Variants in DNAI1 observed in about 807,000 individuals in gnomAD.
DNAI1 encodes the protein dynein axonemal intermediate chain 1, also known as dynein, axonemal, intermediate polypeptide 1.
DNAI1 carries 67 observed loss-of-function variants against 92.0 expected under a neutral mutation model. The ratio of observed to expected loss-of-function variants is 0.73; its 90% CI spans 0.60 to 0.89. The LOEUF is 0.89. DNAI1 is among the 40% of genes least tolerant of loss of function. The pLI, the probability that DNAI1 is intolerant of heterozygous loss-of-function variation, is 0.00. For synonymous variants in DNAI1, 323 were observed against 319.6 expected (o/e 1.01, Z -0.11); for missense variants, 839 against 866.6 (o/e 0.97, Z 0.40).
At chr9:34,519,864 C>T (rs568186552) in intron 19 of DNAI1, among the ~76,000 whole-genome samples, 1 of 152,308 alleles carries the variant, frequency 6.6e-6, no homozygotes, top group East Asian at 1.9e-4. Context: ...ACAGCCCTCA[C>T]CCCCCTGCCT....
chr9:34,493,899 G>T (rs1346987469), intron 9 of DNAI1, among the ~76,000 whole-genome samples: 1 of 152,116 alleles, frequency 6.6e-6, no homozygotes, highest in South Asian at 2.1e-4. Flanking sequence ...CATGGTTGAG[G>T]GGGGCTCACT....
chr9:34,500,543 C>T (rs771556569), intron 10 of DNAI1, among the ~76,000 whole-genome samples, 179 bp from the exon 11 acceptor site: 1 of 152,172 alleles, frequency 6.6e-6, no homozygotes, highest in African/African-American at 2.4e-5. Flanking sequence ...AAGCTCTTTG[C>T]ATATATTAAC....
At chr9:34,461,530 C>A (rs2132037288) in intron 1 of DNAI1, among the ~76,000 whole-genome samples, 1 of 152,284 alleles carries the variant, frequency 6.6e-6, no homozygotes, top group Non-Finnish European at 1.5e-5. Context: ...TCTTTTCTAG[C>A]AACTTGCAGT....
At position 34,491,524 on chromosome 9, in the gene DNAI1, C is replaced by A. The variant is rs1245998306; in HGVS notation, c.651C>A (p.Pro217=). ...GAGAATGCCAGACGGAGCCTCCTCCCAGGACAAACTTTTCAGCCACAGCCA... is the reference window on the plus strand; with the variant it reads ...GAGAATGCCAGACGGAGCCTCCTCCAAGGACAAACTTTTCAGCCACAGCCA... ...RDRECQTEPP[P]RTNFSATANQ... is the part of the protein sequence containing the mutation. The change falls in exon 8 of 20, where the codon CCC becomes CCA. Residue 217 remains proline (P), a synonymous_variant. Transcript: ENST00000242317. 1 of 1,614,184 alleles carries A rather than the reference C, an allele frequency of 6.2e-7. No individual in the cohort carries two copies. Among genetic ancestry groups the A allele is most frequent in the Non-Finnish European group, 8.5e-7 (1 of 1,180,036 alleles).
chr9:34,492,857 TCAC>T (rs2132064925), intron 8 of DNAI1, among the ~76,000 whole-genome samples: 1 of 152,042 alleles, frequency 6.6e-6, no homozygotes, highest in African/African-American at 2.4e-5. Flanking sequence ...GTCTTTTAAA[TCAC>T]CAACAAAAAT....
rs183803891 is a variant in DNAI1 at position 34,482,991 on chromosome 9, G to A, written c.49-457G>A. Among the ~76,000 whole-genome samples, 517 of 152,312 alleles carry A rather than the reference G, an allele frequency of 3.4e-3. 2 individuals are homozygous for A. Among genetic ancestry groups the A allele is most frequent in the African/African-American group, 0.011 (476 of 41,576 alleles). ...TGCTGGGGGACTCAGTACACCCTCC[G>A]CAGCCACTGGCCCGGGTGCTAAGTC... On this transcript the variant is annotated intron_variant, in intron 1 of 19. Transcript: ENST00000242317.
rs374506251 is a variant in DNAI1 at position 34,512,345 on chromosome 9, G to A, written c.1410G>A (p.Leu470=). ...TCTGTCTGTGGCTACAGAGAAAGCT[G>A]GTTCACATAGATGTCATCAAGCTGA... is the stretch of plus-strand genomic sequence containing the variant. ...IVSWTLVKRK[L]VHIDVIKLKV... Residue 470 remains leucine (L), a synonymous_variant, in exon 15 of 20, where the codon CTG becomes CTA. Transcript: ENST00000242317. 1 of 1,613,970 alleles carries A rather than the reference G, an allele frequency of 6.2e-7. No individual in the cohort carries two copies. The highest frequency in any genetic ancestry group is 1.3e-5 in the African/African-American group (1 of 74,876).
intron 1 of DNAI1, among the ~76,000 whole-genome samples, chr9:34,466,831 G>A (rs906732128): frequency 4.6e-5 from 7 of 152,054 alleles, no homozygotes; most frequent in African/African-American, 7.2e-5. Context: ...CATGGTCTCC[G>A]CTCCCTCATA....
At position 34,500,878 on chromosome 9, in the gene DNAI1, T is replaced by C. The variant is rs762745975; in HGVS notation, c.1019+39T>C. 3 of 1,523,822 alleles carry C rather than the reference T, an allele frequency of 2.0e-6. No individual in the cohort carries two copies. The Admixed American group carries it at 5.0e-5, about 25-fold the overall frequency. The allele number at this position is 1,523,822 out of a possible 1,614,324, so 94.4% of individuals were successfully genotyped here. On this transcript the variant is annotated intron_variant, in intron 11 of 19. Coordinates refer to ENST00000242317, the MANE Select transcript of DNAI1 (RefSeq NM_012144.4). ...TTGCAGCAAATGCAGAGCCCCTGAG[T>C]GCCCTCTACATCCCAAACCCCCAGT...
chr9:34,492,937 T>A (rs994369452), intron 8 of DNAI1, among the ~76,000 whole-genome samples: 1 of 152,100 alleles, frequency 6.6e-6, no homozygotes, highest in Non-Finnish European at 1.5e-5. Context: ...ACAATGTTGA[T>A]CTTCAGCTGA....
chr9:34,502,952 C>T (rs554448292), intron 12 of DNAI1, among the ~76,000 whole-genome samples: 10 of 152,216 alleles, frequency 6.6e-5, no homozygotes, highest in Middle Eastern at 3.4e-3. Flanking sequence ...ATGCTGCAAG[C>T]GGAGGAACCA....
chr9:34,492,187 G>T (rs918984651), intron 8 of DNAI1, among the ~76,000 whole-genome samples: 15 of 152,042 alleles, frequency 9.9e-5, no homozygotes, highest in African/African-American at 3.6e-4. Flanking sequence ...AGAGTACTTT[G>T]CAATGTGGAA....
intron 1 of DNAI1, among the ~76,000 whole-genome samples, chr9:34,476,274 G>C (rs1424480455): frequency 6.6e-6 from 1 of 151,656 alleles, no homozygotes; most frequent in Non-Finnish European, 1.5e-5. Context: ...ATAGTACTAG[G>C]TTGATAGACT....
At chr9:34,469,432 A>ATT (rs111706306) in intron 1 of DNAI1, among the ~76,000 whole-genome samples, 2 of 148,076 alleles carry the variant, frequency 1.4e-5, no homozygotes, top group East Asian at 2.0e-4. Context: ...AGCCCAGCTA[A>ATT]TTTTTTTTTT....
intron 12 of DNAI1, among the ~76,000 whole-genome samples, chr9:34,505,356 C>T (rs1007082018): frequency 6.6e-6 from 1 of 152,120 alleles, no homozygotes; most frequent in African/African-American, 2.4e-5. Flanking sequence ...ACATCTCCTT[C>T]CCTGACTCTC....
At position 34,483,490 on chromosome 9, in the gene DNAI1, G is replaced by A; in HGVS notation, c.81+10G>A. On this transcript the variant is annotated intron_variant, in intron 2 of 19. Transcript: ENST00000242317. ...AGGAACCAGGAAGAGAGTAAGTGCT[G>A]AGACTACCATGGTCTCTCAGCAAGA... 1 of 1,611,470 alleles carries A rather than the reference G, an allele frequency of 6.2e-7. No individual in the cohort carries two copies. Among genetic ancestry groups the A allele is most frequent in the South Asian group, 1.1e-5 (1 of 91,008 alleles).
chr9:34,490,692 A>G (rs1215613749), intron 7 of DNAI1, among the ~76,000 whole-genome samples: 2 of 152,200 alleles, frequency 1.3e-5, no homozygotes, highest in Non-Finnish European at 1.5e-5. Context: ...AGGGAGTAAC[A>G]TGGAGGCTAG....
chr9:34,507,711 G>A (rs1415841373), intron 13 of DNAI1, among the ~76,000 whole-genome samples: 1 of 152,298 alleles, frequency 6.6e-6, no homozygotes, highest in South Asian at 2.1e-4. Context: ...CTGCCATCTG[G>A]GCTAGATTTG....
chr9:34,517,126 A>G (rs1371661500), intron 18 of DNAI1, among the ~76,000 whole-genome samples, 159 bp from the exon 19 acceptor site: 1 of 152,064 alleles, frequency 6.6e-6, no homozygotes, highest in Non-Finnish European at 1.5e-5. Flanking sequence ...CATAGGAAAA[A>G]CACAGAGACA....
Sources: allele counts gnomAD v4.1 joint callset (sites outside exome capture counted in the v4.1 genomes callset), GRCh38; gene constraint gnomAD v4.1.1; transcripts MANE v1.5; gene names NCBI Gene and HGNC (gene_info 2026-07-23, HGNC 2026-07-21).